Variants in MTUS1 observed in about 807,000 individuals in gnomAD.
MTUS1 encodes microtubule associated scaffold protein 1, also known as microtubule-associated tumor suppressor 1.
Under a neutral mutation model 120.8 loss-of-function variants are expected in MTUS1, and 109 were observed. The ratio of observed to expected loss-of-function variants is 0.90; its 90% confidence interval spans 0.77 to 1.06. The LOEUF is 1.06. Among genes scored for constraint, MTUS1 ranks in the 50% least tolerant of loss-of-function variants. The pLI is 0.00. For synonymous variants in MTUS1, 737 were observed against 550.5 expected (o/e 1.34, Z -4.74); for missense variants, 2,210 against 1,486.3 (o/e 1.49, Z -8.01).
At chr8:17,706,339 C>G (rs1820150233) in intron 6 of MTUS1, among the ~76,000 whole-genome samples, 1 of 152,088 alleles carries the variant, frequency 6.6e-6, no homozygotes. Context: ...GCAACTAGCC[C>G]AAGGTCAGGA....
At chr8:17,719,366 G>C (rs1045341005) in intron 4 of MTUS1, among the ~76,000 whole-genome samples, 1 of 152,070 alleles carries the variant, frequency 6.6e-6, no homozygotes, top group African/African-American at 2.4e-5. Flanking sequence ...CTGCCCACTT[G>C]GCTTAAAATC....
intron 9 of MTUS1, 80 bp downstream of exon 9, chr8:17,655,783 C>G (rs1481069134): frequency 8.2e-7 from 1 of 1,215,300 alleles, no homozygotes; most frequent in South Asian, 1.2e-5. Context: ...AAAAGAGAAG[C>G]TCATCAAGAT....
At chr8:17,751,895 A>G (rs1273259642) in intron 2 of MTUS1, among the ~76,000 whole-genome samples, 1 of 151,716 alleles carries the variant, frequency 6.6e-6, no homozygotes, top group East Asian at 1.9e-4. Context: ...AAGAAAGCAA[A>G]AAAGAAAAAA....
chr8:17,739,940 A>G (rs941815148), intron 3 of MTUS1, among the ~76,000 whole-genome samples: 1 of 152,136 alleles, frequency 6.6e-6, no homozygotes, highest in African/African-American at 2.4e-5. Context: ...CCACATTTTG[A>G]CAAGTAAAAT....
chr8:17,684,398 T>C lies in MTUS1; in HGVS notation c.2768A>G (p.Lys923Arg), dbSNP rs760020884. Reference protein sequence around the residue: ...ENQSGFILQLKQLLACGNTKF... With the variant: ...ENQSGFILQLRQLLACGNTKF... ...GGTATTACCACAGGCAAGAAGCTGC[T>C]TGAGCTGCAGGATAAATCCACTTTG... Residue 923 changes from lysine to arginine, a missense_variant, in exon 7 of 15, where the codon AAG (lysine) becomes AGG (arginine). Transcript: ENST00000693296. 4 of 1,614,122 alleles carry C rather than the reference T, an allele frequency of 2.5e-6. No individual in the cohort carries two copies. The East Asian group carries it at 6.7e-5, about 27-fold the overall frequency.
chr8:17,743,426 T>C (rs933003063), intron 3 of MTUS1, among the ~76,000 whole-genome samples, 178 bp downstream of exon 3: 2 of 152,236 alleles, frequency 1.3e-5, no homozygotes, highest in African/African-American at 4.8e-5. Flanking sequence ...AACTAGCCTT[T>C]GCCTTGCTCA....
chr8:17,712,477 C>T (rs1044065016), intron 6 of MTUS1, among the ~76,000 whole-genome samples: 1 of 152,086 alleles, frequency 6.6e-6, no homozygotes, highest in Non-Finnish European at 1.5e-5. Flanking sequence ...GCTGGGACTC[C>T]AGGAGCGTAC....
chr8:17,770,277 T>C (rs2049928524), intron 1 of MTUS1, among the ~76,000 whole-genome samples: 1 of 152,108 alleles, frequency 6.6e-6, no homozygotes, highest in Non-Finnish European at 1.5e-5. Flanking sequence ...GAAGTAGGGG[T>C]AATCTAATAA....
chr8:17,704,229 A>G (rs555530165), intron 6 of MTUS1: 1 of 152,264 alleles, frequency 6.6e-6, no homozygotes, highest in African/African-American at 2.4e-5. Context: ...GTTTTCTCCT[A>G]TCTCATAGGC....
chr8:17,756,125 G>A (rs996398463), intron 1 of MTUS1, 164 bp from the exon 2 acceptor site: 3 of 257,290 alleles, frequency 1.2e-5, no homozygotes, highest in East Asian at 9.3e-5. Context: ...ATCTATCACC[G>A]CTTTTCAAGA....
chr8:17,696,693 T>C (rs1025389919), intron 6 of MTUS1, among the ~76,000 whole-genome samples: 1 of 152,194 alleles, frequency 6.6e-6, no homozygotes, highest in African/African-American at 2.4e-5. Context: ...GGGAAGTATT[T>C]TGAGACTGCA....
chr8:17,795,498 G>T (rs2052149859), intron 1 of MTUS1, among the ~76,000 whole-genome samples: 1 of 151,310 alleles, frequency 6.6e-6, no homozygotes, highest in Non-Finnish European at 1.5e-5. Flanking sequence ...CATCTTACCT[G>T]AAAGACTGAT....
chr8:17,658,183 C>T (rs940897575), intron 8 of MTUS1, among the ~76,000 whole-genome samples: 4 of 152,072 alleles, frequency 2.6e-5, no homozygotes, highest in African/African-American at 9.7e-5. Context: ...GATTACGGCA[C>T]ATGCCACCAC....
intron 6 of MTUS1, among the ~76,000 whole-genome samples, chr8:17,687,233 CT>C (rs1450141636): frequency 6.6e-6 from 1 of 152,298 alleles, no homozygotes; most frequent in South Asian, 2.1e-4. Context: ...GCTCCATATA[CT>C]GTGCTCCCTA....
chr8:17,788,774 T>A (rs1269649040), intron 1 of MTUS1, among the ~76,000 whole-genome samples: 1 of 152,174 alleles, frequency 6.6e-6, no homozygotes, highest in Non-Finnish European at 1.5e-5. Flanking sequence ...AGATATCACA[T>A]CATATTGTAG....
chr8:17,710,385 T>C (rs545780143), intron 6 of MTUS1, among the ~76,000 whole-genome samples: 1 of 152,356 alleles, frequency 6.6e-6, no homozygotes, highest in East Asian at 1.9e-4. Flanking sequence ...GTTCACATCA[T>C]CTTTACCAGG....
intron 8 of MTUS1, among the ~76,000 whole-genome samples, chr8:17,662,349 ATTTTTTTT>A (rs35308070): frequency 0.047 from 5,277 of 112,704 alleles, 223 homozygotes; most frequent in South Asian, 0.16. Flanking sequence ...TTTTGTCCCT[ATTTTTTTT>A]TTTTTTTTTT....
At chr8:17,750,834 A>G (rs905487598) in intron 2 of MTUS1, among the ~76,000 whole-genome samples, 14 of 152,178 alleles carry the variant, frequency 9.2e-5, no homozygotes, top group African/African-American at 3.4e-4. Flanking sequence ...TCATGAACAC[A>G]TAACCTCTGT....
chr8:17,697,583 T>G, intron 6 of MTUS1: 1 of 1,340,930 alleles, frequency 7.5e-7, no homozygotes, highest in Non-Finnish European at 9.6e-7. Context: ...CGTTTTCACT[T>G]TCAGATGTTG....
Sources: gnomAD v4.1 joint callset for allele counts (sites outside exome capture counted in the v4.1 genomes callset) on GRCh38, gnomAD v4.1.1 for gene constraint, MANE v1.5 for transcripts, NCBI Gene and HGNC (gene_info 2026-07-23, HGNC 2026-07-21) for gene names.